The following RALYL variants were observed in gnomAD, a reference collection of about 807,000 sequenced individuals.
RALYL encodes the protein RALY RNA binding protein like.
A neutral mutation model predicts 35.1 loss-of-function variants in RALYL; 29 were observed. That is an observed-to-expected ratio of 0.83 (90% CI 0.61 to 1.13). The LOEUF (loss-of-function observed/expected upper bound fraction) is 1.13. RALYL is among the 50% of genes most tolerant of loss of function. RALYL has a pLI of 0.00. For missense variants in RALYL, 359 were observed against 360.4 expected (o/e 1.00, Z 0.03); for synonymous variants, 120 against 127.6 (o/e 0.94, Z 0.40).
At chr8:84,630,302 G>A (rs1588631942) in intron 2 of RALYL, among the ~76,000 whole-genome samples, 1 of 151,926 alleles carries the variant, frequency 6.6e-6, no homozygotes, top group Admixed American at 6.6e-5. Flanking sequence ...AGAACTCTTA[G>A]TGTAACTGGG....
At chr8:84,418,706 C>A (rs79982498) in intron 1 of RALYL, among the ~76,000 whole-genome samples, 2 of 152,076 alleles carry the variant, frequency 1.3e-5, no homozygotes, top group Non-Finnish European at 2.9e-5. Context: ...AAACTCTGTA[C>A]GTCATTAAAA....
chr8:84,795,248 A>C (rs371363735), intron 3 of RALYL, among the ~76,000 whole-genome samples: 1 of 152,242 alleles, frequency 6.6e-6, no homozygotes, highest in Non-Finnish European at 1.5e-5. Context: ...TCTAATGATC[A>C]ACAAATAAAG....
intron 1 of RALYL, among the ~76,000 whole-genome samples, chr8:84,251,481 T>G (rs956621203): frequency 6.6e-6 from 1 of 152,142 alleles, no homozygotes; most frequent in East Asian, 1.9e-4. Context: ...AACTGTTATT[T>G]TTTTTTTGAA....
At chr8:84,848,309 A>T (rs1835070881) in intron 4 of RALYL, among the ~76,000 whole-genome samples, 1 of 152,172 alleles carries the variant, frequency 6.6e-6, no homozygotes, top group Admixed American at 6.5e-5. Flanking sequence ...ATACATATAT[A>T]TCTATAGGGG....
chr8:84,570,138 T>A (rs555443891), intron 2 of RALYL, among the ~76,000 whole-genome samples: 3 of 151,932 alleles, frequency 2.0e-5, no homozygotes, highest in Admixed American at 2.0e-4. Context: ...CATTAGTAAT[T>A]GGATAGGAAC....
At chr8:84,576,436 G>T (rs1809451027) in intron 2 of RALYL, among the ~76,000 whole-genome samples, 1 of 152,196 alleles carries the variant, frequency 6.6e-6, no homozygotes, top group South Asian at 2.1e-4. Flanking sequence ...CTTTGATTTT[G>T]TAGACAAATC....
intron 1 of RALYL, among the ~76,000 whole-genome samples, chr8:84,309,717 G>T (rs1432068774): frequency 2.0e-5 from 3 of 152,062 alleles, no homozygotes; most frequent in Non-Finnish European, 4.4e-5. Flanking sequence ...GGAAAAAGGT[G>T]AATCAAAAAA....
In RALYL at chr8:84,731,801, A is replaced by G. The variant is rs545993897; in HGVS notation, c.257-42778A>G. On this transcript the variant is annotated intron_variant, in intron 2 of 8. Coordinates refer to ENST00000521268, the MANE Select transcript of RALYL (RefSeq NM_173848.7). ...TCGCTTTCTATTGCCCTTTAAAAAA[A>G]CCAAAGTCCTTCAGTGACCAAAAGA... Among the ~76,000 whole-genome samples the G allele has an allele frequency of 3.9e-5, 6 of 152,298 alleles. No homozygotes were observed. The East Asian group carries it at 5.8e-4, about 15-fold the overall frequency.
At chr8:84,876,800 G>A (rs1841240056) in intron 7 of RALYL, among the ~76,000 whole-genome samples, 1 of 152,146 alleles carries the variant, frequency 6.6e-6, no homozygotes, top group Non-Finnish European at 1.5e-5. Flanking sequence ...GAGGTTACAA[G>A]CAGGAGTCCC....
At chr8:84,395,467 T>C (rs1173947763) in intron 1 of RALYL, among the ~76,000 whole-genome samples, 1 of 151,940 alleles carries the variant, frequency 6.6e-6, no homozygotes, top group Non-Finnish European at 1.5e-5. Context: ...TGTTATCTTT[T>C]TGTAAAGAGT....
chr8:84,787,535 C>T (rs1042189321), intron 3 of RALYL, among the ~76,000 whole-genome samples: 1 of 152,150 alleles, frequency 6.6e-6, no homozygotes, highest in Non-Finnish European at 1.5e-5. Context: ...GGGTATATCC[C>T]CAGTAATGGG....
At chr8:84,812,128 G>A (rs112114747) in intron 4 of RALYL, among the ~76,000 whole-genome samples, 42 of 152,188 alleles carry the variant, frequency 2.8e-4, no homozygotes, top group African/African-American at 5.5e-4. Context: ...TTGGGTAGGC[G>A]CTGTCAGAGG....
chr8:84,521,617 C>A (rs1564316), intron 1 of RALYL, among the ~76,000 whole-genome samples: 54,644 of 151,922 alleles, frequency 0.36, 9,997 homozygotes, highest in South Asian at 0.51. Flanking sequence ...AGATAGTTTA[C>A]CACTTATTAT....
chr8:84,618,275 G>T (rs1426782889), intron 2 of RALYL, among the ~76,000 whole-genome samples: 1 of 151,772 alleles, frequency 6.6e-6, no homozygotes, highest in Admixed American at 6.6e-5. Flanking sequence ...TTCAGAGTCT[G>T]TTATTGGTCT....
chr8:84,364,544 A>C (rs112394798), intron 1 of RALYL, among the ~76,000 whole-genome samples: 1 of 25,980 alleles, frequency 3.8e-5, no homozygotes, highest in Admixed American at 4.0e-4. Flanking sequence ...ATAAAATATA[A>C]AAAGTTTAAT....
Position 84,228,154 on chromosome 8 carries a change from CAAAAAAA to C in RALYL, c.-24+43746_-24+43752del, listed in dbSNP as rs57543989. Among the ~76,000 whole-genome samples the C allele has an allele frequency of 9.2e-3, 1,141 of 123,770 alleles. 4 individuals carry two copies. Among genetic ancestry groups the C allele is most frequent in the African/African-American group, 0.015 (516 of 34,548 alleles). 81.2% of individuals were successfully genotyped at this position (123,770 alleles called of 152,430 possible). A position where few individuals can be genotyped will look rare whatever the true frequency, so the allele number is the denominator to read the frequency against. On this transcript the variant is annotated intron_variant, in intron 1 of 8. Transcript: ENST00000521268. ...AACGAAGACATAAAGAATAGTCTAGCAAAAAAAAAAAAAAAAAAAAAATGTGATTGTG... is the reference window on the plus strand; with the variant it reads ...AACGAAGACATAAAGAATAGTCTAGCAAAAAAAAAAAAAAATGTGATTGTG...
intron 1 of RALYL, among the ~76,000 whole-genome samples, chr8:84,445,880 TTC>T (rs2048798410): frequency 6.6e-6 from 1 of 151,456 alleles, no homozygotes; most frequent in Non-Finnish European, 1.5e-5. Flanking sequence ...TGTAATAGTA[TTC>T]TTTTTTTGAT....
chr8:84,633,955 T>C (rs1365758331), intron 2 of RALYL, among the ~76,000 whole-genome samples: 1 of 151,852 alleles, frequency 6.6e-6, no homozygotes, highest in Admixed American at 6.6e-5. Flanking sequence ...CCTTAGGAAA[T>C]GTTGACTGAT....
intron 2 of RALYL, among the ~76,000 whole-genome samples, chr8:84,704,087 G>T (rs1021823490): frequency 1.3e-5 from 2 of 152,106 alleles, no homozygotes; most frequent in African/African-American, 2.4e-5. Context: ...TATTGAAAAA[G>T]AATTTGTGAT....
Sources: allele counts gnomAD v4.1 joint callset (sites outside exome capture counted in the v4.1 genomes callset), GRCh38; gene constraint gnomAD v4.1.1; transcripts MANE v1.5; gene names NCBI Gene and HGNC (gene_info 2026-07-23, HGNC 2026-07-21).